AFAP1: variants seen among roughly 807,000 people sequenced by gnomAD.
AFAP1 encodes the protein actin filament associated protein 1, also known as actin filament-associated protein 1.
AFAP1 carries 75 observed loss-of-function variants against 93.9 expected under a neutral mutation model. The ratio of observed to expected loss-of-function variants is 0.80; its 90% CI spans 0.66 to 0.97. AFAP1 has a LOEUF of 0.97. AFAP1 is among the 50% of genes least tolerant of loss of function. The pLI, the probability that AFAP1 is intolerant of heterozygous loss-of-function variation, is 0.00. For missense variants in AFAP1, 1,201 were observed against 1,050.8 expected (o/e 1.14, Z -1.98); for synonymous variants, 517 against 430.7 (o/e 1.20, Z -2.48).
intron 3 of AFAP1, among the ~76,000 whole-genome samples, chr4:7,864,462 C>G (rs534003904): frequency 7.2e-5 from 11 of 152,344 alleles, no homozygotes; most frequent in African/African-American, 2.2e-4. Context: ...TAGTGACTAG[C>G]TGACTTGCTG....
intron 1 of AFAP1, among the ~76,000 whole-genome samples, chr4:7,913,005 G>A (rs1166400371): frequency 1.3e-5 from 2 of 152,072 alleles, no homozygotes; most frequent in Non-Finnish European, 2.9e-5. Context: ...GTGGCACCAT[G>A]CCCAGTTAAT....
At position 7,793,837 on chromosome 4, in the gene AFAP1, G is replaced by C; in HGVS notation, c.1267-11C>G. On this transcript the variant is annotated splice_polypyrimidine_tract_variant and intron_variant, in intron 10 of 17. Transcript: ENST00000420658. ...TTCAGAAGAAGATGCCTGTTGAAGT[G>C]GGAAAAAAGGTAGGCTGTATTTAAC... 6.6e-7 allele frequency: 1 copy of C among 1,512,142 alleles called. No individual in the cohort carries two copies. Among genetic ancestry groups the C allele is most frequent in the African/African-American group, 1.4e-5 (1 of 72,530 alleles). The allele number at this position is 1,512,142 out of a possible 1,614,324, so 93.7% of individuals were successfully genotyped here. A position where few individuals can be genotyped will look rare whatever the true frequency, so the allele number is the denominator to read the frequency against.
In AFAP1 at chr4:7,809,682, C is replaced by A. The variant is rs151292266; in HGVS notation, c.986G>T (p.Ser329Ile). The change falls in exon 9 of 18, where the codon AGT becomes ATT. Residue 329 changes from serine to isoleucine, a missense_variant. By Grantham distance (142) the Ser-to-Ile change is moderately radical. Transcript: ENST00000420658. The stretch of plus-strand genomic sequence containing the variant: ...TGTGGACGGCTTTTTCTTTCCCAGA[C>A]TGATGATCTTGGTGATTTTTTTCCC... ...VTGKKITKII[S>I]LGKKKPSTDE... is the part of the protein sequence containing the mutation. 1 of 1,614,188 alleles carries A rather than the reference C, an allele frequency of 6.2e-7. No homozygotes were observed. Among genetic ancestry groups the A allele is most frequent in the Non-Finnish European group, 8.5e-7 (1 of 1,180,026 alleles).
intron 1 of AFAP1, among the ~76,000 whole-genome samples, chr4:7,913,225 C>CA (rs1719865930): frequency 6.6e-6 from 1 of 151,722 alleles, no homozygotes; most frequent in South Asian, 2.1e-4. Context: ...CCTGTCTCTG[C>CA]AAAAAATTTT....
intron 6 of AFAP1, among the ~76,000 whole-genome samples, chr4:7,832,393 CTT>C (rs1256959252): frequency 4.0e-5 from 6 of 151,834 alleles, no homozygotes; most frequent in South Asian, 2.1e-4. Flanking sequence ...AGCCACTGCT[CTT>C]GTCATGGGGT....
chr4:7,769,663 C>G (rs1715146773), intron 16 of AFAP1, among the ~76,000 whole-genome samples: 1 of 152,110 alleles, frequency 6.6e-6, no homozygotes, highest in African/African-American at 2.4e-5. Context: ...AAAAACGCCA[C>G]AGTCTGCTGA....
intron 1 of AFAP1, among the ~76,000 whole-genome samples, chr4:7,878,073 G>A (rs1050332606): frequency 6.6e-6 from 1 of 152,200 alleles, no homozygotes; most frequent in Non-Finnish European, 1.5e-5. Context: ...CGGCGCCAAA[G>A]CAAGAAGGGA....
intron 17 of AFAP1, among the ~76,000 whole-genome samples, chr4:7,768,395 G>A (rs986767598): frequency 2.0e-5 from 3 of 152,226 alleles, no homozygotes; most frequent in Non-Finnish European, 2.9e-5. Flanking sequence ...CTCAGAGCCC[G>A]ATTCATGCAG....
chr4:7,893,069 G>C (rs1718561186), intron 1 of AFAP1, among the ~76,000 whole-genome samples: 1 of 151,676 alleles, frequency 6.6e-6, no homozygotes. Flanking sequence ...GAAATCAAGG[G>C]ATTTTTACCA....
At chr4:7,816,233 G>C in intron 7 of AFAP1, 134 bp from the exon 8 acceptor site, 1 of 681,652 alleles carries the variant, frequency 1.5e-6, no homozygotes, top group East Asian at 2.7e-5. Flanking sequence ...GAAGTGGTTA[G>C]AGCTTAACTA....
chr4:7,858,298 G>A (rs1440115123), intron 3 of AFAP1, among the ~76,000 whole-genome samples: 2 of 152,140 alleles, frequency 1.3e-5, no homozygotes, highest in East Asian at 3.9e-4. Flanking sequence ...TGGACTGCTT[G>A]ACTTTTCTGC....
intron 1 of AFAP1, among the ~76,000 whole-genome samples, chr4:7,915,018 G>A (rs1400203963): frequency 1.3e-5 from 2 of 152,156 alleles, no homozygotes; most frequent in South Asian, 2.1e-4. Context: ...CAAAAGTGCT[G>A]GGATTACAGG....
intron 12 of AFAP1, 76 bp downstream of exon 12, chr4:7,786,118 G>T (rs926607889): frequency 2.9e-6 from 4 of 1,361,410 alleles, no homozygotes; most frequent in African/African-American, 1.4e-5. Context: ...CTGAAACCAG[G>T]GGAACTGAAG....
At chr4:7,832,691 C>G (rs1370629488) in intron 6 of AFAP1, among the ~76,000 whole-genome samples, 1 of 146,176 alleles carries the variant, frequency 6.8e-6, no homozygotes, top group African/African-American at 2.5e-5. Context: ...AAAGAGCCCA[C>G]ATAGCCAAAG....
At chr4:7,786,408 T>C (rs959409460) in intron 11 of AFAP1, 97 bp from the exon 12 acceptor site, 4 of 995,844 alleles carry the variant, frequency 4.0e-6, no homozygotes, top group African/African-American at 1.6e-5. Flanking sequence ...CCCAAGGCTA[T>C]GTCAGAGGTC....
At chr4:7,838,829 C>T (rs1334812494) in intron 5 of AFAP1, 126 bp from the exon 6 acceptor site, 3 of 864,940 alleles carry the variant, frequency 3.5e-6, no homozygotes, top group Non-Finnish European at 5.4e-6. Flanking sequence ...TGCAGATGAG[C>T]AGGTTCACAC....
chr4:7,805,613 T>C (rs531922799), intron 9 of AFAP1, among the ~76,000 whole-genome samples: 1 of 152,352 alleles, frequency 6.6e-6, no homozygotes, highest in East Asian at 1.9e-4. Context: ...AATTGAAGTA[T>C]TGAGCCATTT....
At chr4:7,819,012 T>G in intron 7 of AFAP1, 64 bp downstream of exon 7, 2 of 1,403,524 alleles carry the variant, frequency 1.4e-6, no homozygotes, top group Non-Finnish European at 1.9e-6. Context: ...GTTATCAAAC[T>G]TTGAAAGAGA....
intron 1 of AFAP1, among the ~76,000 whole-genome samples, chr4:7,935,055 T>G (rs946803642): frequency 1.1e-4 from 17 of 152,212 alleles, no homozygotes; most frequent in Non-Finnish European, 1.9e-4. Context: ...AAAACCCTAA[T>G]CAAGCTCCCC....
Sources: allele counts gnomAD v4.1 joint callset (sites outside exome capture counted in the v4.1 genomes callset), GRCh38; gene constraint gnomAD v4.1.1; transcripts MANE v1.5; gene names NCBI Gene and HGNC (gene_info 2026-07-23, HGNC 2026-07-21).